The following DAB1 variants were observed in gnomAD, a reference collection of about 807,000 sequenced individuals.
DAB1 encodes the protein DAB adaptor protein 1, also known as disabled homolog 1.
A neutral mutation model predicts 64.6 loss-of-function variants in DAB1; 15 were observed. The observed-to-expected ratio is 0.23, with a 90% CI of 0.16 to 0.36. The LOEUF (loss-of-function observed/expected upper bound fraction) is 0.36, where lower values mean the gene tolerates loss of function less well. DAB1 is among the 10% of genes least tolerant of loss of function. The pLI, the probability that DAB1 is intolerant of heterozygous loss-of-function variation, is 1.00. For missense variants in DAB1, 596 were observed against 706.7 expected (o/e 0.84, Z 1.78); for synonymous variants, 235 against 251.9 (o/e 0.93, Z 0.64).
Position 57,569,596 on chromosome 1 carries a change from G to T in DAB1, n.625+79996C>A, listed in dbSNP as rs565096213. ...GGAACATCATACACCGGGGCCTGTT[G>T]TGTGGTGGGGGTAGGGGGGAGGGAT... On this transcript the variant is annotated intron_variant and non_coding_transcript_variant, in intron 7 of 20. Coordinates refer to the DAB1 transcript ENST00000485760. Among the ~76,000 whole-genome samples, 23 of 151,308 alleles carry T rather than the reference G, an allele frequency of 1.5e-4. No individual in the cohort carries two copies. The East Asian group carries it at 4.1e-3, about 27-fold the overall frequency.
At chr1:57,807,985 G>GT (rs1651443305) in intron 6 of DAB1, among the ~76,000 whole-genome samples, 1 of 152,106 alleles carries the variant, frequency 6.6e-6, no homozygotes, top group Non-Finnish European at 1.5e-5. Context: ...AGATGTGTTT[G>GT]TTATTAGACT....
intron 2 of DAB1, among the ~76,000 whole-genome samples, chr1:57,288,381 A>G (rs963103848): frequency 2.0e-5 from 3 of 152,130 alleles, no homozygotes; most frequent in Non-Finnish European, 2.9e-5. Context: ...ACCAAAATCT[A>G]TATGTTAAAG....
At chr1:57,561,921 C>T (rs1041075096) in intron 7 of DAB1, among the ~76,000 whole-genome samples, 3 of 152,182 alleles carry the variant, frequency 2.0e-5, no homozygotes, top group African/African-American at 7.2e-5. Context: ...GAGGTTTGTC[C>T]TCACTGGAAT....
chr1:57,759,799 C>T (rs1049843088), intron 6 of DAB1, among the ~76,000 whole-genome samples: 4 of 151,898 alleles, frequency 2.6e-5, no homozygotes, highest in African/African-American at 4.8e-5. Context: ...ACCATGGTGG[C>T]GGTGAAGGAG....
intron 7 of DAB1, among the ~76,000 whole-genome samples, chr1:57,466,691 C>T (rs1686964693): frequency 6.6e-6 from 1 of 152,142 alleles, no homozygotes; most frequent in African/African-American, 2.4e-5. Context: ...TAACTGGAGG[C>T]CCTGGGGAAG....
At chr1:58,506,602 C>A (rs184082696) in intron 2 of DAB1, among the ~76,000 whole-genome samples, 11 of 152,198 alleles carry the variant, frequency 7.2e-5, no homozygotes, top group Middle Eastern at 3.4e-3. Flanking sequence ...CCAAAGATAG[C>A]CCACTATTTT....
At chr1:57,481,592 A>C (rs1283766048) in intron 7 of DAB1, among the ~76,000 whole-genome samples, 1 of 152,112 alleles carries the variant, frequency 6.6e-6, no homozygotes, top group Non-Finnish European at 1.5e-5. Flanking sequence ...CAAGGTGGGC[A>C]GATCACCTGA....
chr1:57,027,080 C>G (rs1023200547), intron 9 of DAB1, among the ~76,000 whole-genome samples: 3 of 152,190 alleles, frequency 2.0e-5, no homozygotes, highest in Admixed American at 1.3e-4. Context: ...CCACACAGGA[C>G]TCCTGCACTC....
chr1:57,772,552 C>T (rs1461418947), intron 6 of DAB1, among the ~76,000 whole-genome samples: 1 of 151,894 alleles, frequency 6.6e-6, no homozygotes, highest in Non-Finnish European at 1.5e-5. Flanking sequence ...GGAGTAGACT[C>T]GCTGGGATAT....
chr1:58,397,391 GA>G (rs1465981267), intron 3 of DAB1, among the ~76,000 whole-genome samples: 1 of 152,228 alleles, frequency 6.6e-6, no homozygotes, highest in Non-Finnish European at 1.5e-5. Flanking sequence ...CCTGGGACCA[GA>G]ACAGGCTTTG....
chr1:58,172,838 A>AGAATAAATG (rs1250895697), intron 4 of DAB1, among the ~76,000 whole-genome samples: 1 of 152,278 alleles, frequency 6.6e-6, no homozygotes, highest in Non-Finnish European at 1.5e-5. Context: ...AAAAGGAAGA[A>AGAATAAATG]GAATAAATGT....
intron 3 of DAB1, among the ~76,000 whole-genome samples, chr1:58,413,880 C>A (rs1644692898): frequency 6.6e-6 from 1 of 152,146 alleles, no homozygotes; most frequent in Admixed American, 6.5e-5. Flanking sequence ...CTTCTGAGAA[C>A]TGCATCATTA....
intron 5 of DAB1, among the ~76,000 whole-genome samples, chr1:57,988,358 A>C (rs1477242107): frequency 6.6e-6 from 1 of 152,134 alleles, no homozygotes; most frequent in African/African-American, 2.4e-5. Context: ...CTGGCAAGTG[A>C]CTTAACCTCT....
chr1:57,216,300 C>T (rs1233421219), intron 2 of DAB1, among the ~76,000 whole-genome samples: 1 of 152,200 alleles, frequency 6.6e-6, no homozygotes, highest in African/African-American at 2.4e-5. Flanking sequence ...GGTAAGTGCA[C>T]ATATGGCTTC....
intron 1 of DAB1, among the ~76,000 whole-genome samples, chr1:57,831,612 G>A (rs1370403625): frequency 6.8e-6 from 1 of 147,952 alleles, no homozygotes; most frequent in Non-Finnish European, 1.5e-5. Flanking sequence ...CAGGATCATG[G>A]CTCACTGCAG....
intron 7 of DAB1, among the ~76,000 whole-genome samples, chr1:57,616,585 A>G (rs1645792569): frequency 6.6e-6 from 1 of 152,178 alleles, no homozygotes; most frequent in Admixed American, 6.5e-5. Context: ...TAGGAGATCT[A>G]TAATGGCAGC....
chr1:58,185,063 A>T (rs943605867), intron 4 of DAB1, among the ~76,000 whole-genome samples: 7 of 152,210 alleles, frequency 4.6e-5, no homozygotes, highest in Non-Finnish European at 1.0e-4. Flanking sequence ...CTTATCCCAC[A>T]TTCTGCAAAA....
At chr1:57,781,146 A>G (rs1191010474) in intron 6 of DAB1, among the ~76,000 whole-genome samples, 4 of 83,692 alleles carry the variant, frequency 4.8e-5, no homozygotes, top group Middle Eastern at 5.6e-3. Flanking sequence ...ATATATATAT[A>G]TATATATATA....
At chr1:58,515,342 G>C (rs1246576342) in intron 2 of DAB1, among the ~76,000 whole-genome samples, 1 of 152,080 alleles carries the variant, frequency 6.6e-6, no homozygotes, top group Admixed American at 6.5e-5. Context: ...ACATATGTTG[G>C]TCATTTAATC....
Sources: allele counts gnomAD v4.1 joint callset (sites outside exome capture counted in the v4.1 genomes callset), GRCh38; gene constraint gnomAD v4.1.1; transcripts MANE v1.5; gene names NCBI Gene and HGNC (gene_info 2026-07-23, HGNC 2026-07-21).